SLC17A9: variants seen among roughly 807,000 people sequenced by gnomAD.
The protein encoded by SLC17A9 is voltage-gated purine nucleotide uniporter SLC17A9.
A neutral mutation model predicts 55.0 loss-of-function variants in SLC17A9; 49 were observed. That is an observed-to-expected ratio of 0.89 (90% CI 0.71 to 1.13). SLC17A9 has a LOEUF of 1.13. Ranked by LOEUF, SLC17A9 falls within the 50% of genes most tolerant of loss-of-function variation. The pLI is 0.00. For synonymous variants in SLC17A9, 256 were observed against 247.4 expected (o/e 1.03, Z -0.32); for missense variants, 526 against 569.3 (o/e 0.92, Z 0.77).
At chr20:62,963,796 C>G in intron 7 of SLC17A9, 116 bp downstream of exon 7, 1 of 937,990 alleles carries the variant, frequency 1.1e-6, no homozygotes. Flanking sequence ...TCCTCCTGGA[C>G]TCTGAGGGTC....
chr20:62,967,359 C>T lies in SLC17A9; in HGVS notation c.1170C>T (p.Gly390=), dbSNP rs755997098. The change falls in exon 13 of 13, where the codon GGC becomes GGT. Residue 390 remains glycine (G), a synonymous_variant. Transcript: ENST00000370351. ...CAGGTGTCGTGGGTGTGTGTCTAGGCGGCTACTTGATGGAGACCACGGGCT... is the reference window on the plus strand; with the variant it reads ...CAGGTGTCGTGGGTGTGTGTCTAGGTGGCTACTTGATGGAGACCACGGGCT... ...ALAGVVGVCL[G]GYLMETTGSW... 13 of 1,614,010 alleles carry T rather than the reference C, an allele frequency of 8.1e-6. No individual in the cohort carries two copies. Among genetic ancestry groups the T allele is most frequent in the Non-Finnish European group, 1.1e-5 (13 of 1,180,004 alleles).
At position 62,965,230 on chromosome 20, in the gene SLC17A9, C is replaced by T. The variant is rs1233880237; in HGVS notation, c.945+64C>T. Reference sequence around the variant, plus strand: ...TGCTTTGTTCAGGGTCTCCCAGGAACTCAGGGTTGTGTCCCCAAGTCACCT... The same window carrying T: ...TGCTTTGTTCAGGGTCTCCCAGGAATTCAGGGTTGTGTCCCCAAGTCACCT... On this transcript the variant is annotated intron_variant, in intron 9 of 12. Transcript: ENST00000370351. 8 of 1,607,142 alleles carry T rather than the reference C, an allele frequency of 5.0e-6. No homozygotes were observed. In the Admixed American group the frequency reaches 1.3e-4, roughly 27 times the overall value.
intron 5 of SLC17A9, chr20:62,963,022 G>A (rs908151635): frequency 1.3e-5 from 8 of 636,556 alleles, no homozygotes; most frequent in Admixed American, 8.8e-5. Flanking sequence ...AGGAGCAGCC[G>A]AGTCTTTGGG....
chr20:62,965,558 C>A, intron 9 of SLC17A9, 52 bp from the exon 10 acceptor site: 1 of 1,545,114 alleles, frequency 6.5e-7, no homozygotes, highest in South Asian at 1.1e-5. Flanking sequence ...AGGAGAGGGC[C>A]CTGCTGCAGG....
At chr20:62,954,827 T>A (rs11086147) in intron 1 of SLC17A9, among the ~76,000 whole-genome samples, 7 of 152,114 alleles carry the variant, frequency 4.6e-5, no homozygotes, top group African/African-American at 1.2e-4. Context: ...AAGGAGGCCC[T>A]GGAGTGGCTC....
intron 3 of SLC17A9, 133 bp downstream of exon 3, chr20:62,957,713 C>A: frequency 1.3e-5 from 9 of 704,618 alleles, no homozygotes; most frequent in Non-Finnish European, 1.8e-5. Context: ...TGGGCATGCC[C>A]GCGTGCATGC....
chr20:62,953,271 A>G (rs1262855330), intron 1 of SLC17A9: 7 of 1,549,696 alleles, frequency 4.5e-6, no homozygotes, highest in Non-Finnish European at 6.1e-6. Flanking sequence ...TCAGGAGGCC[A>G]GGTAGGGGGC....
rs1296353805 is a variant in SLC17A9 at position 62,966,846 on chromosome 20, A to T, written c.1147+114A>T. On this transcript the variant is annotated intron_variant, in intron 12 of 12. Coordinates refer to ENST00000370351, the MANE Select transcript of SLC17A9 (RefSeq NM_022082.4). ...TCAGAGGGGGTCCGGGTGTCAGAGG[A>T]GGGCACAGACCCCAGAGCAGGCCCA... 4.4e-6 allele frequency: 6 copies of T among 1,359,770 alleles called. No individual in the cohort carries two copies. In the East Asian group the frequency reaches 1.2e-4, roughly 26 times the overall value. The allele number at this position is 1,359,770 out of a possible 1,614,324, so 84.2% of individuals were successfully genotyped here.
At chr20:62,957,202 G>A in intron 2 of SLC17A9, 1 of 985,414 alleles carries the variant, frequency 1.0e-6, no homozygotes, top group Non-Finnish European at 1.2e-6. Context: ...GAAGATGGGA[G>A]CTGGGAGGGG....
At chr20:62,963,452 C>T (rs1433754479) in intron 6 of SLC17A9, 83 bp downstream of exon 6, 1 of 1,527,238 alleles carries the variant, frequency 6.5e-7, no homozygotes, top group Non-Finnish European at 8.9e-7. Context: ...ACCTGACAGC[C>T]CTTGAGCCAG....
chr20:62,964,946 C>T (rs1275492808), intron 8 of SLC17A9, 186 bp from the exon 9 acceptor site: 3 of 620,624 alleles, frequency 4.8e-6, no homozygotes, highest in East Asian at 2.8e-5. Flanking sequence ...GGCGCACATG[C>T]GGCCTCGCGG....
chr20:62,967,677 T>TG lies in SLC17A9; in HGVS notation c.*180dup. The stretch of plus-strand genomic sequence containing the variant: ...CACAACAGCTGGTGGGAGGGTGGGG[T>TG]GGGCCTGGGTCCAGACCAGGCTCGC... On this transcript the variant is annotated 3_prime_UTR_variant, in exon 13 of 13. Transcript: ENST00000370351. The TG allele has an allele frequency of 1.7e-5, 2 of 120,704 alleles. No homozygotes were observed. The highest frequency in any genetic ancestry group is 3.3e-5 in the Non-Finnish European group (2 of 60,968). 7.5% of individuals were successfully genotyped at this position (120,704 alleles called of 1,614,324 possible). A position where few individuals can be genotyped will look rare whatever the true frequency, so the allele number is the denominator to read the frequency against.
rs75875631 is a variant in SLC17A9 at position 62,956,710 on chromosome 20, C to T, written c.60-55C>T. The T allele has an allele frequency of 3.8e-3, 5,855 of 1,522,988 alleles. 188 individuals carry two copies. In the African/African-American group the frequency reaches 0.069, roughly 18 times the overall value. The allele number at this position is 1,522,988 out of a possible 1,614,324, so 94.3% of individuals were successfully genotyped here. A position where few individuals can be genotyped will look rare whatever the true frequency, so the allele number is the denominator to read the frequency against. ...GAGGGAGGTCTCTGAGTGATGAACT[C>T]GAAGCAGCAGGGCCGTGGGGCCTCC... On this transcript the variant is annotated intron_variant, in intron 1 of 12. Transcript: ENST00000370351.
In SLC17A9 at chr20:62,962,481, C is replaced by G. The variant is rs889972480; in HGVS notation, c.498-143C>G. 9.3e-7 allele frequency: 1 copy of G among 1,074,670 alleles called. No individual in the cohort carries two copies. Among genetic ancestry groups the G allele is most frequent in the African/African-American group, 1.6e-5 (1 of 62,404 alleles). The allele number at this position is 1,074,670 out of a possible 1,614,324, so 66.6% of individuals were successfully genotyped here. A position where few individuals can be genotyped will look rare whatever the true frequency, so the allele number is the denominator to read the frequency against. ...TTAACAAAACAGGCCAGGACGGTGGCTTCTGAGCTGCTCCTCTGGAGGCGA... is the reference window on the plus strand; with the variant it reads ...TTAACAAAACAGGCCAGGACGGTGGGTTCTGAGCTGCTCCTCTGGAGGCGA... On this transcript the variant is annotated intron_variant, in intron 4 of 12. Coordinates refer to ENST00000370351, the MANE Select transcript of SLC17A9 (RefSeq NM_022082.4). The surrounding 1 kb of genome is among the most constrained non-coding windows in gnomAD (Gnocchi z 5.5).
chr20:62,960,669 T>C (rs973868782), intron 4 of SLC17A9, 66 bp downstream of exon 4: 2 of 1,463,220 alleles, frequency 1.4e-6, no homozygotes, highest in African/African-American at 1.4e-5. Context: ...GAGTGGCCCC[T>C]GGTCTGCGTG....
chr20:62,964,189 C>T (rs62200670), intron 7 of SLC17A9, 39 bp from the exon 8 acceptor site: 62 of 1,598,172 alleles, frequency 3.9e-5, no homozygotes, highest in Middle Eastern at 3.3e-4. Flanking sequence ...GGCCAGATGC[C>T]GGCCCTGGCC....
chr20:62,957,856 T>C (rs2065554263), intron 3 of SLC17A9, among the ~76,000 whole-genome samples: 1 of 110,284 alleles, frequency 9.1e-6, no homozygotes, highest in African/African-American at 3.1e-5. Flanking sequence ...CCTGTGCGTG[T>C]GCGTGTGCAA....
In SLC17A9 at chr20:62,958,973, G is replaced by A. The variant is rs2065565669; in HGVS notation, c.397+1393G>A. ...CCCCATCCCAGAGCCAGCCCCTCCA[G>A]CATCACCGCCTCCCCAGGCACTGCC... On this transcript the variant is annotated intron_variant, in intron 3 of 12. Transcript: ENST00000370351. The surrounding 1 kb of genome is among the most constrained non-coding windows in gnomAD (Gnocchi z 4.1). Among the ~76,000 whole-genome samples, 1 of 152,202 alleles carries A rather than the reference G, an allele frequency of 6.6e-6. No individual in the cohort carries two copies. The highest frequency in any genetic ancestry group is 1.5e-5 in the Non-Finnish European group (1 of 68,028).
intron 4 of SLC17A9, among the ~76,000 whole-genome samples, chr20:62,961,070 C>A (rs12480933): frequency 0.034 from 108 of 3,188 alleles, 4 homozygotes; most frequent in African/African-American, 0.072. Context: ...CTTGTCCTCA[C>A]GGTGGGCCTA....
Sources: gnomAD v4.1 joint callset for allele counts (sites outside exome capture counted in the v4.1 genomes callset) on GRCh38, gnomAD v4.1.1 for gene constraint, Gnocchi (gnomAD v3.1) non-coding constraint, MANE v1.5 for transcripts, NCBI Gene and HGNC (gene_info 2026-07-23, HGNC 2026-07-21) for gene names.